Variants in L3HYPDH observed in about 807,000 individuals in gnomAD.
L3HYPDH encodes trans-L-3-hydroxyproline dehydratase.
A neutral mutation model predicts 26.5 loss-of-function variants in L3HYPDH; 32 were observed. The observed-to-expected ratio is 1.21, with a 90% confidence interval of 0.91 to 1.62. The LOEUF (loss-of-function observed/expected upper bound fraction) is 1.62. Ranked by LOEUF, L3HYPDH falls within the 40% of genes most tolerant of loss-of-function variation. L3HYPDH has a pLI of 0.00. For missense variants in L3HYPDH, 554 were observed against 476.4 expected (o/e 1.16, Z -1.52); for synonymous variants, 215 against 196.6 (o/e 1.09, Z -0.78).
chr14:59,487,624 ATGT>A (rs771238203), upstream of L3HYPDH: 1 of 1,395,558 alleles, frequency 7.2e-7, no homozygotes, highest in South Asian at 1.2e-5. Context: ...GGGGGTGTTA[ATGT>A]TGTAAAATAA....
At chr14:59,493,805 G>A in the L3HYPDH span, among the ~76,000 whole-genome samples, 2 of 152,076 alleles carry the variant, frequency 1.3e-5, no homozygotes, top group Non-Finnish European at 2.9e-5. Context: ...AAATGTACAT[G>A]ACATCAAGGA....
chr14:59,486,561 A>G (rs1017093175), upstream of L3HYPDH: 10 of 626,834 alleles, frequency 1.6e-5, no homozygotes, highest in South Asian at 1.9e-4. Context: ...TAAAAGGAGA[A>G]ATGTAAATTT....
At chr14:59,477,769 T>C (rs1442237775) in intron 2 of L3HYPDH, among the ~76,000 whole-genome samples, 1 of 152,226 alleles carries the variant, frequency 6.6e-6, no homozygotes, top group Non-Finnish European at 1.5e-5. Flanking sequence ...TTTTAAGTTA[T>C]AAATTATTTT....
intron 2 of L3HYPDH, chr14:59,478,642 G>A (rs1889800037): frequency 1.3e-5 from 2 of 152,202 alleles, no homozygotes; most frequent in African/African-American, 4.8e-5. Flanking sequence ...ACTACTCTAA[G>A]TCCTTTACAT....
Position 59,472,849 on chromosome 14 carries a change from AAAG to A in L3HYPDH, c.*113_*115del. Reference sequence around the variant, plus strand: ...ATTTAGCCACAGGGTAGTATTTTACAAAGAATGAGAGTTAGTTTATATGTATAA... The same window carrying A: ...ATTTAGCCACAGGGTAGTATTTTACAAATGAGAGTTAGTTTATATGTATAA... On this transcript the variant is annotated 3_prime_UTR_variant, in exon 5 of 5. Transcript: ENST00000247194. 1 of 915,002 alleles carries A rather than the reference AAAG, an allele frequency of 1.1e-6. No individual in the cohort carries two copies. Among genetic ancestry groups the A allele is most frequent in the Non-Finnish European group, 1.5e-6 (1 of 649,134 alleles). The allele number at this position is 915,002 out of a possible 1,614,324, so 56.7% of individuals were successfully genotyped here.
At chr14:59,496,967 AG>A in the L3HYPDH span, among the ~76,000 whole-genome samples, 3 of 122,294 alleles carry the variant, frequency 2.5e-5, no homozygotes, top group African/African-American at 9.3e-5. Flanking sequence ...GCACTTCCGA[AG>A]GTTGTAGGGC....
intron 1 of L3HYPDH, among the ~76,000 whole-genome samples, chr14:59,466,035 A>G (rs1889163405): frequency 2.0e-5 from 3 of 152,180 alleles, no homozygotes; most frequent in African/African-American, 2.4e-5. Flanking sequence ...CAGAATTACT[A>G]AGGATGGGCC....
At chr14:59,505,171 G>T in the L3HYPDH span, 1 of 737,034 alleles carries the variant, frequency 1.4e-6, no homozygotes, top group South Asian at 2.5e-5. Context: ...TGCAAAATAT[G>T]AAAGTAAGTG....
chr14:59,483,875 A>T lies in L3HYPDH; in HGVS notation c.442T>A (p.Cys148Ser). The change falls in exon 1 of 5, where the codon TGC becomes AGC. Residue 148 changes from cysteine (C) to serine (S), a missense_variant. Physicochemically the swap from Cys to Ser is moderately radical, Grantham distance 112 (BLOSUM62 -1). Transcript: ENST00000247194. Reference sequence around the variant, plus strand: ...GGTCCGTGGCTGCGGCCGTCCTCGCATGCCACGAAGGCGGTCACCAGCCCG... The same window carrying T: ...GGTCCGTGGCTGCGGCCGTCCTCGCTTGCCACGAAGGCGGTCACCAGCCCG... ...PCGLVTAFVACEDGRSHGPVR... is the reference protein window; with the variant it reads ...PCGLVTAFVASEDGRSHGPVR... 6.3e-7 allele frequency: 1 copy of T among 1,578,854 alleles called. No individual in the cohort carries two copies. Among genetic ancestry groups the T allele is most frequent in the Non-Finnish European group, 8.6e-7 (1 of 1,169,524 alleles).
the L3HYPDH span, chr14:59,504,296 T>C: frequency 1.4e-5 from 7 of 502,560 alleles, no homozygotes; most frequent in Non-Finnish European, 2.1e-5. Flanking sequence ...TCTGCTACAC[T>C]GGAAGGCCGC....
the L3HYPDH span, among the ~76,000 whole-genome samples, chr14:59,503,196 G>A: frequency 6.6e-6 from 1 of 152,042 alleles, no homozygotes. Context: ...GACCTAAAAC[G>A]GAAAAAGACA....
chr14:59,503,887 C>A, the L3HYPDH span: 1 of 1,612,510 alleles, frequency 6.2e-7, no homozygotes, highest in South Asian at 1.1e-5. Context: ...AAAGAAAAGA[C>A]TTATTGTTCT....
the L3HYPDH span, among the ~76,000 whole-genome samples, chr14:59,491,290 A>T: frequency 2.0e-5 from 3 of 152,300 alleles, no homozygotes; most frequent in African/African-American, 7.2e-5. Context: ...GAAATAGAGA[A>T]GACGATGCTG....
chr14:59,486,743 T>G (rs763774615), upstream of L3HYPDH: 9 of 1,595,188 alleles, frequency 5.6e-6, no homozygotes, highest in Admixed American at 5.2e-5. Flanking sequence ...TGCCTTGGAC[T>G]TTATTGTGGG....
rs756464577 is a variant in L3HYPDH at position 59,484,331 on chromosome 14, G to A, written c.-15C>T. On this transcript the variant is annotated 5_prime_UTR_variant, in exon 1 of 5. Coordinates refer to ENST00000247194, the MANE Select transcript of L3HYPDH (RefSeq NM_144581.2). Reference sequence around the variant, plus strand: ...GCGCTCTCCATGGTCTGCGTCGGGGGAGACGAGTACGGTCCCGCAGCTATG... The same window carrying A: ...GCGCTCTCCATGGTCTGCGTCGGGGAAGACGAGTACGGTCCCGCAGCTATG... 1.3e-5 allele frequency: 20 copies of A among 1,573,696 alleles called. No homozygotes were observed. Among genetic ancestry groups the A allele is most frequent in the Middle Eastern group, 2.1e-4 (1 of 4,792 alleles).
At chr14:59,469,592 G>A (rs1210985515), downstream of L3HYPDH, among the ~76,000 whole-genome samples, 1 of 148,696 alleles carries the variant, frequency 6.7e-6, no homozygotes, top group Non-Finnish European at 1.5e-5. Context: ...AAAAAAGGTT[G>A]GGGGGTAAAA....
intron 1 of L3HYPDH, among the ~76,000 whole-genome samples, chr14:59,480,370 C>T (rs1210295732): frequency 6.6e-6 from 1 of 152,136 alleles, no homozygotes; most frequent in Non-Finnish European, 1.5e-5. Context: ...GTGCAGAGGG[C>T]AAGGACCAGG....
rs1395588123 is a variant in L3HYPDH at position 59,484,110 on chromosome 14, G to A, written c.207C>T (p.Pro69=). Residue 69 remains proline (P), a synonymous_variant, in exon 1 of 5, where the codon CCC becomes CCT. Coordinates refer to ENST00000247194, the MANE Select transcript of L3HYPDH (RefSeq NM_144581.2). ...DHVRRRLMFE[P]RGHRDMYGAV... The stretch of plus-strand genomic sequence containing the variant: ...CCCCGTACATGTCCCGGTGCCCTCG[G>A]GGCTCGAACATGAGCCGTCGCCGCA... The A allele has an allele frequency of 1.2e-6, 2 of 1,604,584 alleles. No homozygotes were observed. The highest frequency in any genetic ancestry group is 2.7e-5 in the African/African-American group (2 of 74,910).
the L3HYPDH span, among the ~76,000 whole-genome samples, chr14:59,497,613 G>T: frequency 6.6e-6 from 1 of 152,072 alleles, no homozygotes; most frequent in Admixed American, 6.6e-5. Context: ...AACACATAAT[G>T]GTTTCCTCTT....
Sources: allele counts gnomAD v4.1 joint callset (sites outside exome capture counted in the v4.1 genomes callset), GRCh38; gene constraint gnomAD v4.1.1; transcripts MANE v1.5; gene names NCBI Gene and HGNC (gene_info 2026-07-23, HGNC 2026-07-21).